TNFSF4: variants seen among roughly 807,000 people sequenced by gnomAD.
TNFSF4 encodes tumor necrosis factor ligand superfamily member 4.
A neutral mutation model predicts 7.3 loss-of-function variants in TNFSF4; 4 were observed. The ratio of observed to expected loss-of-function variants is 0.55; its 90% CI spans 0.27 to 1.25. TNFSF4 has a LOEUF of 1.25. TNFSF4 is among the 50% of genes most tolerant of loss of function. The probability of loss-of-function intolerance (pLI) is 0.12; values close to 1 mark genes in which losing one functional copy is unlikely to be tolerated. For missense variants in TNFSF4, 181 were observed against 208.8 expected (o/e 0.87, Z 0.82); for synonymous variants, 76 against 83.7 (o/e 0.91, Z 0.50).
rs777019825 is a variant in TNFSF4, at chr1:173,188,520, C to A, written c.202+1G>T. The A allele has an allele frequency of 6.2e-7, 1 of 1,607,788 alleles. No homozygotes were observed. The highest frequency in any genetic ancestry group is 1.7e-5 in the Admixed American group (1 of 59,912). The stretch of plus-strand genomic sequence containing the variant: ...TCAATTAAACTTTTGACAATACTTA[C>A]CGGTAAATTGTACTTTGATACTTTG... On this transcript the variant is annotated splice_donor_variant, in intron 2 of 2. Transcript: ENST00000281834. LOFTEE classifies it high-confidence loss of function.
chr1:173,325,319 G>A, the TNFSF4 span, among the ~76,000 whole-genome samples: 7 of 152,126 alleles, frequency 4.6e-5, no homozygotes, highest in African/African-American at 1.7e-4. Flanking sequence ...AAACCAACGA[G>A]AACAAAGACA....
the TNFSF4 span, among the ~76,000 whole-genome samples, chr1:173,365,079 C>G: frequency 6.7e-6 from 1 of 149,396 alleles, no homozygotes; most frequent in Non-Finnish European, 1.5e-5. Context: ...AGTGTGAGAC[C>G]CTGTCACAGG....
chr1:173,443,516 T>C, the TNFSF4 span, among the ~76,000 whole-genome samples: 2 of 152,200 alleles, frequency 1.3e-5, no homozygotes, highest in Non-Finnish European at 2.9e-5. Flanking sequence ...AGAAATATTA[T>C]ACAATAGTAG....
At chr1:173,246,575 G>C in the TNFSF4 span, among the ~76,000 whole-genome samples, 2,828 of 152,196 alleles carry the variant, frequency 0.019, 78 homozygotes, top group African/African-American at 0.064. Flanking sequence ...TTTTCAAACT[G>C]ACAGGTTTTT....
chr1:173,284,892 T>A, the TNFSF4 span, among the ~76,000 whole-genome samples: 8 of 152,308 alleles, frequency 5.3e-5, no homozygotes, highest in African/African-American at 1.9e-4. Flanking sequence ...AAGACAAATG[T>A]TGTTTTCATG....
the TNFSF4 span, among the ~76,000 whole-genome samples, chr1:173,324,362 A>G: frequency 7.5e-4 from 115 of 152,338 alleles, no homozygotes; most frequent in East Asian, 0.02. Flanking sequence ...TCCTGAAGGA[A>G]GCACTAAACA....
the TNFSF4 span, among the ~76,000 whole-genome samples, chr1:173,259,949 T>C: frequency 6.6e-6 from 1 of 152,126 alleles, no homozygotes; most frequent in East Asian, 1.9e-4. Context: ...TTCCCCAACC[T>C]AGCAAGACAG....
Position 173,207,312 on chromosome 1 carries a change from C to T in TNFSF4, c.-136G>A. ...CAGAAAATAGGCAAAGGTCCCAGGG[C>T]CAGAGATAAAAGGCGATTGAAAGAG... On this transcript the variant is annotated 5_prime_UTR_variant, in exon 1 of 3. Coordinates refer to ENST00000281834, the MANE Select transcript of TNFSF4 (RefSeq NM_003326.5). 1 of 756,272 alleles carries T rather than the reference C, an allele frequency of 1.3e-6. No individual in the cohort carries two copies. The highest frequency in any genetic ancestry group is 3.0e-5 in the Admixed American group (1 of 33,414). The allele number at this position is 756,272 out of a possible 1,614,324, so 46.8% of individuals were successfully genotyped here. A position where few individuals can be genotyped will look rare whatever the true frequency, so the allele number is the denominator to read the frequency against.
At chr1:173,370,304 T>C in the TNFSF4 span, among the ~76,000 whole-genome samples, 1 of 152,246 alleles carries the variant, frequency 6.6e-6, no homozygotes, top group South Asian at 2.1e-4. Context: ...AGATACCTGG[T>C]ATCTTAGTCA....
chr1:173,445,842 C>T, the TNFSF4 span, among the ~76,000 whole-genome samples: 1 of 152,120 alleles, frequency 6.6e-6, no homozygotes, highest in African/African-American at 2.4e-5. Flanking sequence ...AGGCTTAACC[C>T]TGAGCTGTGC....
chr1:173,308,884 A>G, the TNFSF4 span, among the ~76,000 whole-genome samples: 3 of 151,966 alleles, frequency 2.0e-5, no homozygotes, highest in Admixed American at 1.3e-4. Flanking sequence ...GTATCCTGAG[A>G]GAGAGCTAAG....
chr1:173,295,673 A>G, the TNFSF4 span, among the ~76,000 whole-genome samples: 1 of 152,006 alleles, frequency 6.6e-6, no homozygotes, highest in Non-Finnish European at 1.5e-5. Context: ...TTTCCTTGGA[A>G]ATTGACATGG....
the TNFSF4 span, among the ~76,000 whole-genome samples, chr1:173,244,456 A>C: frequency 2.6e-5 from 4 of 151,466 alleles, no homozygotes; most frequent in Admixed American, 6.6e-5. Flanking sequence ...TCCCGGCTAA[A>C]ACGGTGAAAC....
At chr1:173,172,965 A>C in the TNFSF4 span, among the ~76,000 whole-genome samples, 1 of 152,126 alleles carries the variant, frequency 6.6e-6, no homozygotes, top group East Asian at 1.9e-4. Flanking sequence ...GGAAGCAAAC[A>C]TGTCCTTCTT....
chr1:173,211,987 G>A (rs960492821), upstream of TNFSF4, among the ~76,000 whole-genome samples: 6 of 152,110 alleles, frequency 3.9e-5, no homozygotes, highest in Non-Finnish European at 5.9e-5. Context: ...CAATTCTGAC[G>A]GCTGCAACAT....
chr1:173,444,507 T>G, the TNFSF4 span, among the ~76,000 whole-genome samples: 4 of 148,386 alleles, frequency 2.7e-5, no homozygotes, highest in African/African-American at 4.8e-5. Flanking sequence ...TTTTGGGAAA[T>G]TCTGGGTTTT....
intron 2 of TNFSF4, 119 bp downstream of exon 2, chr1:173,188,402 T>C (rs17346501): frequency 0.18 from 141,114 of 784,194 alleles, 14,463 homozygotes; most frequent in Middle Eastern, 0.26. Context: ...TGGGATTTAA[T>C]TGGAATTTAA....
chr1:173,247,307 C>T, the TNFSF4 span, among the ~76,000 whole-genome samples: 6 of 152,110 alleles, frequency 3.9e-5, no homozygotes, highest in East Asian at 1.9e-4. Context: ...AGACTAGATA[C>T]GGTGTGAGAT....
chr1:173,290,882 T>C, the TNFSF4 span, among the ~76,000 whole-genome samples: 5 of 152,010 alleles, frequency 3.3e-5, no homozygotes, highest in African/African-American at 1.2e-4. Flanking sequence ...AACCACACTC[T>C]CAAACCATAG....
Sources: allele counts gnomAD v4.1 joint callset (sites outside exome capture counted in the v4.1 genomes callset), GRCh38; gene constraint gnomAD v4.1.1; transcripts MANE v1.5; gene names NCBI Gene and HGNC (gene_info 2026-07-23, HGNC 2026-07-21).